PCDH7: variants seen among roughly 807,000 people sequenced by gnomAD.
PCDH7 encodes protocadherin-7.
Under a neutral mutation model 58.9 loss-of-function variants are expected in PCDH7, and 17 were observed. That is an observed-to-expected ratio of 0.29 (90% CI 0.20 to 0.43). The LOEUF (loss-of-function observed/expected upper bound fraction) is 0.43. Ranked by LOEUF, PCDH7 falls within the 20% of genes least tolerant of loss-of-function variation. The pLI is 1.00. For missense variants in PCDH7, 1,274 were observed against 1,441.0 expected, an observed-to-expected ratio of 0.88 and a Z score of 1.88; for synonymous variants, 664 against 616.4, an observed-to-expected ratio of 1.08 and a Z score of -1.14.
intron 3 of PCDH7, among the ~76,000 whole-genome samples, chr4:30,957,747 A>G (rs1748007105): frequency 6.6e-6 from 1 of 152,150 alleles, no homozygotes; most frequent in Non-Finnish European, 1.5e-5. Flanking sequence ...TTTACATTGT[A>G]AGAGTCTTTT....
chr4:30,898,124 T>G (rs1739687402), intron 1 of PCDH7, among the ~76,000 whole-genome samples: 1 of 152,222 alleles, frequency 6.6e-6, no homozygotes, highest in Non-Finnish European at 1.5e-5. Flanking sequence ...AACATGTTTC[T>G]ATTTTCTATC....
chr4:31,009,227 A>AC (rs1469946631), intron 3 of PCDH7, among the ~76,000 whole-genome samples: 1 of 152,086 alleles, frequency 6.6e-6, no homozygotes, highest in African/African-American at 2.4e-5. Flanking sequence ...AAATTGTCAA[A>AC]CATATGAGAT....
In PCDH7 at chr4:31,112,233, G is replaced by A. The variant is rs187089306; in HGVS notation, c.*8-30240G>A. Among the ~76,000 whole-genome samples, 76 of 152,102 alleles carry A rather than the reference G, an allele frequency of 5.0e-4. 2 individuals are homozygous for A. The highest frequency in any genetic ancestry group is 4.1e-3 in the Admixed American group (62 of 15,278). ...TTGCTAACTTTCTGTCTTTCCTTAA[G>A]CAAACAAGATTCAGGTATTAATATG... On this transcript the variant is annotated intron_variant, in intron 3 of 3. Coordinates refer to the PCDH7 transcript ENST00000509759.
At chr4:30,895,855 A>C (rs1009970395) in intron 1 of PCDH7, among the ~76,000 whole-genome samples, 1 of 152,218 alleles carries the variant, frequency 6.6e-6, no homozygotes, top group Middle Eastern at 3.2e-3. Flanking sequence ...AAGTGAAGCT[A>C]AGCACAGGAG....
At chr4:30,824,032 C>G (rs1728706075) in intron 1 of PCDH7, among the ~76,000 whole-genome samples, 1 of 152,106 alleles carries the variant, frequency 6.6e-6, no homozygotes, top group South Asian at 2.1e-4. Flanking sequence ...GGCAGAGCCA[C>G]TCTTGATGGT....
At chr4:30,937,359 T>C (rs1269897420) in intron 2 of PCDH7, among the ~76,000 whole-genome samples, 1 of 152,102 alleles carries the variant, frequency 6.6e-6, no homozygotes, top group Non-Finnish European at 1.5e-5. Context: ...TTTTAAATAA[T>C]AAGATTTTTA....
chr4:30,790,820 G>A (rs887720322), intron 1 of PCDH7, among the ~76,000 whole-genome samples: 1 of 152,084 alleles, frequency 6.6e-6, no homozygotes, highest in Admixed American at 6.5e-5. Context: ...GCTCTCAGGA[G>A]GCTGAGGTGG....
At chr4:31,059,267 A>T (rs1225139763) in intron 3 of PCDH7, among the ~76,000 whole-genome samples, 1 of 151,976 alleles carries the variant, frequency 6.6e-6, no homozygotes, top group Non-Finnish European at 1.5e-5. Context: ...GCTTGATGAC[A>T]GCATCTGTAT....
At chr4:30,789,142 CT>C (rs1217634164) in intron 1 of PCDH7, among the ~76,000 whole-genome samples, 1 of 152,060 alleles carries the variant, frequency 6.6e-6, no homozygotes, top group African/African-American at 2.4e-5. Flanking sequence ...AGGTCCCCCC[CT>C]AAGTTAATTG....
chr4:30,840,827 ATG>A, intron 1 of PCDH7, among the ~76,000 whole-genome samples: 1 of 151,968 alleles, frequency 6.6e-6, no homozygotes, highest in African/African-American at 2.4e-5. Context: ...GAGTCGTGGA[ATG>A]TGTAAAGCCA....
rs542202362 is a variant in PCDH7, at chr4:31,031,334, A to G, written c.*7+81119A>G. On this transcript the variant is annotated intron_variant, in intron 3 of 3. Coordinates refer to the PCDH7 transcript ENST00000509759. ...CAAGAATGCCACTAGACATCCTGCC[A>G]TCCACAGTACAGCAACAAAGAATGG... Among the ~76,000 whole-genome samples, 7 of 152,330 alleles carry G rather than the reference A, an allele frequency of 4.6e-5. No homozygotes were observed. The South Asian group carries it at 1.2e-3, about 27-fold the overall frequency.
chr4:30,969,849 T>A (rs1344581030), intron 3 of PCDH7, among the ~76,000 whole-genome samples: 1 of 152,234 alleles, frequency 6.6e-6, no homozygotes, highest in African/African-American at 2.4e-5. Flanking sequence ...ATCTAGAAGC[T>A]GAGACACTAG....
At chr4:30,999,342 A>G (rs961931195) in intron 3 of PCDH7, among the ~76,000 whole-genome samples, 1 of 152,162 alleles carries the variant, frequency 6.6e-6, no homozygotes, top group Non-Finnish European at 1.5e-5. Context: ...GGAAACACTT[A>G]ATAGATGGTA....
intron 1 of PCDH7, among the ~76,000 whole-genome samples, chr4:30,823,584 C>T (rs1303916776): frequency 2.0e-5 from 3 of 151,924 alleles, no homozygotes; most frequent in Non-Finnish European, 2.9e-5. Flanking sequence ...GATGCTACCT[C>T]GGCGTACAGG....
intron 1 of PCDH7, among the ~76,000 whole-genome samples, chr4:30,888,330 A>C (rs933518988): frequency 1.3e-5 from 2 of 152,166 alleles, no homozygotes; most frequent in Admixed American, 1.3e-4. Context: ...ATATATTCAC[A>C]TAATAGAAGG....
intron 1 of PCDH7, among the ~76,000 whole-genome samples, chr4:30,832,477 T>C (rs974202484): frequency 4.6e-5 from 7 of 152,188 alleles, no homozygotes; most frequent in African/African-American, 1.7e-4. Context: ...CTTTCATTGA[T>C]AAATATTCAG....
At chr4:30,942,237 T>C (rs1237788628) in intron 2 of PCDH7, among the ~76,000 whole-genome samples, 2 of 152,008 alleles carry the variant, frequency 1.3e-5, no homozygotes, top group Non-Finnish European at 2.9e-5. Flanking sequence ...TAATATTTTA[T>C]TTATTTTTTG....
At chr4:30,881,640 C>A (rs538406791) in intron 1 of PCDH7, among the ~76,000 whole-genome samples, 4 of 152,042 alleles carry the variant, frequency 2.6e-5, no homozygotes, top group Admixed American at 6.6e-5. Context: ...CCTGAAGGAG[C>A]CTTTTCATTT....
In PCDH7 at chr4:30,854,283, C is replaced by CTAGATGCAGTTAA. The variant is rs1198233128; in HGVS notation, c.71-65870_71-65869insTAGATGCAGTTAA. 2.0e-5 allele frequency among the ~76,000 whole-genome samples: 3 copies of CTAGATGCAGTTAA among 148,058 alleles called. No individual in the cohort carries two copies. The East Asian group carries it at 5.9e-4, about 29-fold the overall frequency. ...TGCATTGTGGGACGTTTAACTGCAT[C>CTAGATGCAGTTAA]CCTGGCCCTACATACTAGATGCCAG... On this transcript the variant is annotated intron_variant, in intron 1 of 3. Transcript: ENST00000509759.
Sources: gnomAD v4.1 joint callset for allele counts (sites outside exome capture counted in the v4.1 genomes callset) on GRCh38, gnomAD v4.1.1 for gene constraint, MANE v1.5 for transcripts, NCBI Gene and HGNC (gene_info 2026-07-23, HGNC 2026-07-21) for gene names.